The following PARVA variants were observed in gnomAD, a reference collection of about 807,000 sequenced individuals.
PARVA encodes the protein alpha-parvin.
A neutral mutation model predicts 52.6 loss-of-function variants in PARVA; 25 were observed. The observed-to-expected ratio is 0.48, with a 90% CI of 0.35 to 0.66. The LOEUF is 0.66. Ranked by LOEUF, PARVA falls within the 30% of genes least tolerant of loss-of-function variation. PARVA has a pLI of 0.01. For synonymous variants in PARVA, 185 were observed against 179.1 expected, an observed-to-expected ratio of 1.03 and a Z score of -0.26; for missense variants, 373 against 450.9, an observed-to-expected ratio of 0.83 and a Z score of 1.56.
chr11:12,474,878 A>G (rs551532804), intron 3 of PARVA, among the ~76,000 whole-genome samples: 3 of 150,772 alleles, frequency 2.0e-5, no homozygotes, highest in Admixed American at 2.0e-4. Context: ...AGGTGGGAGG[A>G]TGGCTTGAAC....
At chr11:12,433,204 G>A (rs1457126683) in intron 1 of PARVA, among the ~76,000 whole-genome samples, 1 of 152,088 alleles carries the variant, frequency 6.6e-6, no homozygotes, top group Non-Finnish European at 1.5e-5. Context: ...AACTTTCCCG[G>A]AATCTTTTAT....
intron 6 of PARVA, among the ~76,000 whole-genome samples, chr11:12,504,715 TGAG>T (rs1407086612): frequency 6.6e-6 from 1 of 151,574 alleles, no homozygotes; most frequent in Non-Finnish European, 1.5e-5. Flanking sequence ...AATGTGTAGA[TGAG>T]GGTGTGCGGT....
chr11:12,524,278 T>C (rs1941674603), intron 12 of PARVA, among the ~76,000 whole-genome samples: 1 of 152,234 alleles, frequency 6.6e-6, no homozygotes, highest in Non-Finnish European at 1.5e-5. Context: ...TGCCCAATTT[T>C]ACCAGTGAGA....
chr11:12,508,122 A>AC (rs34540709), intron 6 of PARVA, among the ~76,000 whole-genome samples: 5 of 98,682 alleles, frequency 5.1e-5, no homozygotes, highest in African/African-American at 1.4e-4. Flanking sequence ...AAAAAAAAAA[A>AC]CCAAAAAAAA....
At chr11:12,463,827 T>C (rs1940817528) in intron 1 of PARVA, among the ~76,000 whole-genome samples, 2 of 152,224 alleles carry the variant, frequency 1.3e-5, no homozygotes, top group Admixed American at 1.3e-4. Context: ...CACAGACATT[T>C]ATTTTATCTG....
chr11:12,414,369 G>T (rs1435796932), intron 1 of PARVA, among the ~76,000 whole-genome samples: 1 of 151,762 alleles, frequency 6.6e-6, no homozygotes, highest in Non-Finnish European at 1.5e-5. Context: ...AGTTTGAGTG[G>T]TTTAAATGCG....
intron 1 of PARVA, among the ~76,000 whole-genome samples, chr11:12,466,805 T>C (rs530938375): frequency 3.3e-5 from 5 of 152,308 alleles, no homozygotes; most frequent in African/African-American, 1.2e-4. Context: ...TTTTTAGTAG[T>C]CTTGAAGTAT....
At chr11:12,397,096 T>C (rs1025414713) in intron 1 of PARVA, among the ~76,000 whole-genome samples, 31 of 152,186 alleles carry the variant, frequency 2.0e-4, no homozygotes, top group African/African-American at 7.2e-4. Context: ...ATTGACCTCA[T>C]TTTTATAAAC....
chr11:12,442,210 C>T (rs1940476710), intron 1 of PARVA, among the ~76,000 whole-genome samples: 1 of 152,228 alleles, frequency 6.6e-6, no homozygotes, highest in South Asian at 2.1e-4. Context: ...CAGGGAGGAC[C>T]TTTGGGCAGT....
intron 9 of PARVA, 153 bp downstream of exon 9, chr11:12,513,513 C>T (rs1323468435): frequency 2.6e-6 from 2 of 761,350 alleles, no homozygotes; most frequent in African/African-American, 1.7e-5. Flanking sequence ...CATCCATGTA[C>T]CTGTCTGTTC....
intron 4 of PARVA, among the ~76,000 whole-genome samples, chr11:12,489,635 C>T (rs1247019643): frequency 6.6e-6 from 1 of 152,124 alleles, no homozygotes; most frequent in Non-Finnish European, 1.5e-5. Context: ...ATTCAGGGAG[C>T]TCAGTGAATC....
chr11:12,467,444 TG>T (rs1195408400), intron 1 of PARVA, among the ~76,000 whole-genome samples: 2 of 152,240 alleles, frequency 1.3e-5, no homozygotes, highest in Admixed American at 1.3e-4. Flanking sequence ...ATCCTTGACT[TG>T]TTCCCATTTT....
rs1205422284 is a variant in PARVA, at chr11:12,519,387, T to C, written c.1042+870T>C. On this transcript the variant is annotated intron_variant, in intron 12 of 12. Coordinates refer to ENST00000334956, the MANE Select transcript of PARVA (RefSeq NM_018222.5). ...CTGGTCTAGTGGGCTTGAGACCCTG[T>C]AGACCATGATATAACAAGAGGGGTA... 2.0e-5 allele frequency among the ~76,000 whole-genome samples: 3 copies of C among 152,134 alleles called. No homozygotes were observed. In the East Asian group the frequency reaches 5.8e-4, roughly 29 times the overall value.
chr11:12,497,468 A>AT (rs1487917676), intron 5 of PARVA, among the ~76,000 whole-genome samples: 2 of 152,210 alleles, frequency 1.3e-5, no homozygotes, highest in African/African-American at 4.8e-5. Context: ...GGGAAAGCAA[A>AT]TGGAGTCTTC....
chr11:12,472,135 C>T (rs1940942926), intron 1 of PARVA, among the ~76,000 whole-genome samples: 2 of 152,208 alleles, frequency 1.3e-5, no homozygotes, highest in South Asian at 4.1e-4. Flanking sequence ...GATGTCCAAT[C>T]TTTTGGCTTC....
At chr11:12,394,913 G>A (rs1256431975) in intron 1 of PARVA, among the ~76,000 whole-genome samples, 3 of 152,056 alleles carry the variant, frequency 2.0e-5, no homozygotes, top group African/African-American at 7.2e-5. Flanking sequence ...CCAACATGGT[G>A]AAACCCCATC....
chr11:12,513,955 G>C, intron 9 of PARVA, 42 bp from the exon 10 acceptor site: 1 of 1,376,780 alleles, frequency 7.3e-7, no homozygotes, highest in Non-Finnish European at 9.8e-7. Flanking sequence ...TCCTGCACTA[G>C]TGCGAGTCCC....
At chr11:12,403,706 A>G (rs1270181475) in intron 1 of PARVA, among the ~76,000 whole-genome samples, 3 of 152,220 alleles carry the variant, frequency 2.0e-5, no homozygotes, top group Admixed American at 1.3e-4. Flanking sequence ...ACTCAGATAC[A>G]TTGCTCATTC....
chr11:12,400,189 A>G (rs1402945332), intron 1 of PARVA, among the ~76,000 whole-genome samples: 4 of 152,246 alleles, frequency 2.6e-5, no homozygotes, highest in Non-Finnish European at 4.4e-5. Context: ...GCCGTAGTCT[A>G]TGAGAGTGCC....
Sources: allele counts gnomAD v4.1 joint callset (sites outside exome capture counted in the v4.1 genomes callset), GRCh38; gene constraint gnomAD v4.1.1; transcripts MANE v1.5; gene names NCBI Gene and HGNC (gene_info 2026-07-23, HGNC 2026-07-21).